RTL4: variants seen among roughly 807,000 people sequenced by gnomAD.
The protein encoded by RTL4 is retrotransposon Gag like 4, also known as retrotransposon Gag-like protein 4.
Under a neutral mutation model 5.3 loss-of-function variants are expected in RTL4, and 4 were observed. The observed-to-expected ratio is 0.75, with a 90% CI of 0.37 to 1.72. RTL4 has a LOEUF of 1.72. Ranked by LOEUF, RTL4 falls within the 40% of genes most tolerant of loss-of-function variation. The pLI is 0.04. For missense variants in RTL4, 260 were observed against 227.1 expected (o/e 1.14, Z -0.93); for synonymous variants, 98 against 87.3 (o/e 1.12, Z -0.68).
the RTL4 span, among the ~76,000 whole-genome samples, chrX:112,380,800 G>C: frequency 8.9e-6 from 1 of 111,873 alleles, no homozygotes; most frequent in Non-Finnish European, 1.9e-5. Flanking sequence ...GTGGGGGCGC[G>C]GAGCAAGCGA....
the RTL4 span, among the ~76,000 whole-genome samples, chrX:112,392,615 G>A: frequency 2.7e-5 from 3 of 111,279 alleles, no homozygotes; most frequent in African/African-American, 9.8e-5. Context: ...CAGCAGTCCT[G>A]TGCTCCTTTA....
the RTL4 span, among the ~76,000 whole-genome samples, chrX:112,318,486 G>A: frequency 2.7e-5 from 3 of 111,302 alleles, no homozygotes; most frequent in South Asian, 1.1e-3. Flanking sequence ...TTTCACCATT[G>A]AAGGAGCTTA....
chrX:112,339,684 A>G, the RTL4 span, among the ~76,000 whole-genome samples: 1 of 112,803 alleles, frequency 8.9e-6, no homozygotes, highest in African/African-American at 3.2e-5. Flanking sequence ...TAATAGCTGA[A>G]TATCAATTGT....
chrX:112,088,140 C>T, the RTL4 span, among the ~76,000 whole-genome samples: 8 of 109,368 alleles, frequency 7.3e-5, no homozygotes, highest in East Asian at 2.9e-4. Context: ...CATGAGACAC[C>T]GCGCCTGGCT....
chrX:112,153,784 G>A, the RTL4 span, among the ~76,000 whole-genome samples: 20 of 111,287 alleles, frequency 1.8e-4, no homozygotes, highest in African/African-American at 5.2e-4. Flanking sequence ...TTTTTGTACC[G>A]TTCGATTGTG....
the RTL4 span, among the ~76,000 whole-genome samples, chrX:112,216,746 G>A: frequency 2.4e-4 from 27 of 111,788 alleles, no homozygotes; most frequent in African/African-American, 6.5e-4. Context: ...CTTCTCAAGC[G>A]TGTTTATTTT....
chrX:112,276,072 C>T, the RTL4 span, among the ~76,000 whole-genome samples: 1 of 111,850 alleles, frequency 8.9e-6, no homozygotes, highest in Non-Finnish European at 1.9e-5. Context: ...TCTTTAAGGT[C>T]TCCATTCATT....
chrX:112,416,083 C>T, the RTL4 span, among the ~76,000 whole-genome samples: 4 of 111,306 alleles, frequency 3.6e-5, no homozygotes, highest in African/African-American at 9.8e-5. Context: ...TTTGTAACTG[C>T]GTAACTCCAA....
the RTL4 span, among the ~76,000 whole-genome samples, chrX:112,427,385 C>T: frequency 4.5e-5 from 5 of 110,501 alleles, no homozygotes; most frequent in African/African-American, 1.6e-4. Context: ...TTGACAAAAT[C>T]GAACATCTAT....
the RTL4 span, among the ~76,000 whole-genome samples, chrX:112,373,624 T>A: frequency 9.1e-6 from 1 of 109,990 alleles, no homozygotes; most frequent in Non-Finnish European, 1.9e-5. Context: ...ATACAACAAG[T>A]ACAATGGAAT....
the RTL4 span, among the ~76,000 whole-genome samples, chrX:112,196,991 T>C: frequency 1.8e-5 from 2 of 110,223 alleles, no homozygotes; most frequent in Admixed American, 1.9e-4. Flanking sequence ...TTGTTTCACG[T>C]TTCCCTGATG....
chrX:112,272,840 C>T, the RTL4 span, among the ~76,000 whole-genome samples: 28 of 110,849 alleles, frequency 2.5e-4, no homozygotes, highest in Non-Finnish European at 4.5e-4. Flanking sequence ...TCTCCCTGGC[C>T]TAAGTGTGCC....
chrX:112,298,588 G>A, the RTL4 span, among the ~76,000 whole-genome samples: 1 of 112,200 alleles, frequency 8.9e-6, no homozygotes, highest in Non-Finnish European at 1.9e-5. Flanking sequence ...CAGGAACTTG[G>A]GTCAATAATT....
chrX:112,446,319 G>A, the RTL4 span, among the ~76,000 whole-genome samples: 1 of 111,482 alleles, frequency 9.0e-6, no homozygotes, highest in Non-Finnish European at 1.9e-5. Flanking sequence ...GAGGAGAGTA[G>A]CCACAAACTA....
At chrX:112,180,527 T>C in the RTL4 span, among the ~76,000 whole-genome samples, 1 of 112,162 alleles carries the variant, frequency 8.9e-6, no homozygotes. Context: ...TCTTTTTCTA[T>C]TAAAAACAAC....
At chrX:112,200,921 G>A in the RTL4 span, among the ~76,000 whole-genome samples, 6 of 111,699 alleles carry the variant, frequency 5.4e-5, no homozygotes, top group Non-Finnish European at 1.1e-4. Flanking sequence ...ACGAGGGAAA[G>A]GAATAATGAG....
chrX:112,248,789 A>G, the RTL4 span, among the ~76,000 whole-genome samples: 1 of 112,363 alleles, frequency 8.9e-6, no homozygotes, highest in East Asian at 2.8e-4. Context: ...AGTGAAACTC[A>G]GACCTAAATC....
At chrX:112,084,644 G>A in the RTL4 span, among the ~76,000 whole-genome samples, 1 of 111,373 alleles carries the variant, frequency 9.0e-6, no homozygotes, top group Non-Finnish European at 1.9e-5. Flanking sequence ...ATGAGGGTGA[G>A]TAGAATATGT....
the RTL4 span, among the ~76,000 whole-genome samples, chrX:112,158,715 T>G: frequency 9.0e-6 from 1 of 111,527 alleles, no homozygotes; most frequent in East Asian, 2.8e-4. Flanking sequence ...AACCACAGTT[T>G]TATTGTTGAA....
Sources: gnomAD v4.1 joint callset for allele counts (sites outside exome capture counted in the v4.1 genomes callset) on GRCh38, gnomAD v4.1.1 for gene constraint, MANE v1.5 for transcripts, NCBI Gene and HGNC (gene_info 2026-07-23, HGNC 2026-07-21) for gene names.